The following NLGN1 variants were observed in gnomAD, a reference collection of about 807,000 sequenced individuals.
NLGN1 encodes the protein neuroligin 1.
A neutral mutation model predicts 65.5 loss-of-function variants in NLGN1; 12 were observed. The ratio of observed to expected loss-of-function variants is 0.18; its 90% CI spans 0.12 to 0.30. NLGN1 has a LOEUF of 0.30. Ranked by LOEUF, NLGN1 falls within the 10% of genes least tolerant of loss-of-function variation. NLGN1 has a pLI of 1.00. For missense variants in NLGN1, 750 were observed against 1,007.1 expected (o/e 0.74, Z 3.46); for synonymous variants, 350 against 359.5 (o/e 0.97, Z 0.30).
chr3:173,883,814 CT>C (rs74363696), intron 4 of NLGN1, among the ~76,000 whole-genome samples: 1,617 of 96,476 alleles, frequency 0.017, 23 homozygotes, highest in African/African-American at 0.049. Context: ...GGGAAACTTT[CT>C]TTTTTTTTTT....
chr3:173,884,283 A>G (rs1289842956), intron 4 of NLGN1, among the ~76,000 whole-genome samples: 1 of 152,172 alleles, frequency 6.6e-6, no homozygotes, highest in Non-Finnish European at 1.5e-5. Context: ...TAAGGGATCA[A>G]CTGCAATTTC....
chr3:173,707,477 G>C (rs1050279078), intron 3 of NLGN1, among the ~76,000 whole-genome samples: 8 of 151,988 alleles, frequency 5.3e-5, no homozygotes, highest in African/African-American at 1.9e-4. Flanking sequence ...ACAGTGCTTT[G>C]CAAATGTTAT....
At chr3:174,252,185 T>C (rs1744899652) in intron 4 of NLGN1, among the ~76,000 whole-genome samples, 1 of 152,146 alleles carries the variant, frequency 6.6e-6, no homozygotes, top group African/African-American at 2.4e-5. Flanking sequence ...TCATTTCTTA[T>C]CATAAAGAAA....
At chr3:173,550,321 A>G (rs1212303395) in intron 2 of NLGN1, among the ~76,000 whole-genome samples, 1 of 152,136 alleles carries the variant, frequency 6.6e-6, no homozygotes, top group Non-Finnish European at 1.5e-5. Flanking sequence ...GATAAAATAT[A>G]TGTCATGTTT....
intron 3 of NLGN1, among the ~76,000 whole-genome samples, chr3:173,651,293 T>A (rs1189181773): frequency 6.6e-6 from 1 of 151,260 alleles, no homozygotes; most frequent in East Asian, 1.9e-4. Flanking sequence ...ATATATTCAA[T>A]ATTTATGTGT....
intron 1 of NLGN1, among the ~76,000 whole-genome samples, chr3:173,406,923 T>C (rs1277100016): frequency 6.6e-6 from 1 of 152,184 alleles, no homozygotes; most frequent in Non-Finnish European, 1.5e-5. Flanking sequence ...CCTTCTTTTT[T>C]ATTTTGGCTA....
intron 4 of NLGN1, among the ~76,000 whole-genome samples, chr3:173,843,297 C>T (rs1052352193): frequency 6.6e-6 from 1 of 152,192 alleles, no homozygotes; most frequent in Non-Finnish European, 1.5e-5. Context: ...AGACCTCTGA[C>T]GTGCCCCGAA....
rs546918779 is a variant in NLGN1, at chr3:173,580,492, G to C, written c.-320-23787G>C. Among the ~76,000 whole-genome samples, 6 of 151,902 alleles carry C rather than the reference G, an allele frequency of 3.9e-5. No homozygotes were observed. The East Asian group carries it at 1.2e-3, about 29-fold the overall frequency. ...TAATGAAGAGATTCTCTTCATTAGA[G>C]AATTTATTCTCTTCATATAGCAACT... On this transcript the variant is annotated intron_variant, in intron 2 of 6. Coordinates refer to ENST00000457714, the Ensembl canonical transcript of NLGN1.
At chr3:174,088,273 C>A (rs965832366) in intron 4 of NLGN1, among the ~76,000 whole-genome samples, 3 of 152,004 alleles carry the variant, frequency 2.0e-5, no homozygotes, top group Non-Finnish European at 4.4e-5. Flanking sequence ...GGTTCAGAAG[C>A]AAGTGACAAT....
intron 4 of NLGN1, among the ~76,000 whole-genome samples, chr3:174,125,414 C>A (rs1245817117): frequency 1.3e-5 from 2 of 151,924 alleles, no homozygotes; most frequent in African/African-American, 2.4e-5. Flanking sequence ...TGAAGATTAT[C>A]AAAAATGATC....
chr3:173,696,174 G>A (rs1411420747), intron 3 of NLGN1, among the ~76,000 whole-genome samples: 1 of 152,064 alleles, frequency 6.6e-6, no homozygotes, highest in African/African-American at 2.4e-5. Context: ...GACTAAAAAT[G>A]GAAATCTATT....
intron 2 of NLGN1, among the ~76,000 whole-genome samples, chr3:173,595,855 C>T (rs962431930): frequency 6.6e-6 from 1 of 152,182 alleles, no homozygotes; most frequent in Non-Finnish European, 1.5e-5. Flanking sequence ...TCTCATAAGA[C>T]TTATTCACTA....
intron 4 of NLGN1, chr3:173,910,729 T>G (rs1739421608): frequency 1.3e-5 from 2 of 152,194 alleles, no homozygotes; most frequent in Non-Finnish European, 2.9e-5. Flanking sequence ...AAAATTATTT[T>G]GGTAATAATG....
rs76463576 is a variant in NLGN1, at chr3:173,813,134, C to T, written c.646+5302C>T. 3.7e-3 allele frequency among the ~76,000 whole-genome samples: 566 copies of T among 152,004 alleles called. 7 individuals are homozygous for T. The highest frequency in any genetic ancestry group is 0.013 in the African/African-American group (533 of 41,498). ...GATATTTATATTTGAAACTGATTGG[C>T]CTAGGATCAAGGAAATTTGCTAAAG... On this transcript the variant is annotated intron_variant, in intron 4 of 6. Transcript: ENST00000457714.
chr3:174,177,503 A>G (rs970361903), intron 4 of NLGN1, among the ~76,000 whole-genome samples: 1 of 152,022 alleles, frequency 6.6e-6, no homozygotes, highest in Non-Finnish European at 1.5e-5. Flanking sequence ...CATTAAGTAT[A>G]TATTACATAT....
At chr3:174,103,174 A>G (rs1014245871) in intron 4 of NLGN1, among the ~76,000 whole-genome samples, 2 of 152,112 alleles carry the variant, frequency 1.3e-5, no homozygotes, top group African/African-American at 4.8e-5. Context: ...GTAACATTGC[A>G]TTTTTCTACA....
intron 4 of NLGN1, among the ~76,000 whole-genome samples, chr3:173,946,559 T>C (rs775568421): frequency 6.6e-6 from 1 of 152,172 alleles, no homozygotes; most frequent in Non-Finnish European, 1.5e-5. Flanking sequence ...TCATAAATTA[T>C]CTCTGTGCGG....
chr3:174,199,150 A>G (rs1405836175), intron 4 of NLGN1, among the ~76,000 whole-genome samples: 6 of 152,088 alleles, frequency 3.9e-5, no homozygotes, highest in African/African-American at 7.2e-5. Context: ...CCCGTCCTGC[A>G]TATTCTTATA....
At chr3:173,545,699 G>A (rs1004874653) in intron 2 of NLGN1, among the ~76,000 whole-genome samples, 1 of 152,084 alleles carries the variant, frequency 6.6e-6, no homozygotes, top group African/African-American at 2.4e-5. Context: ...CAACACAAAT[G>A]CCCATCAATG....
Sources: gnomAD v4.1 joint callset for allele counts (sites outside exome capture counted in the v4.1 genomes callset) on GRCh38, gnomAD v4.1.1 for gene constraint, MANE v1.5 for transcripts, NCBI Gene and HGNC (gene_info 2026-07-23, HGNC 2026-07-21) for gene names.